The following ARMC7 variants were observed in gnomAD, a reference collection of about 807,000 sequenced individuals.
The protein encoded by ARMC7 is armadillo repeat containing 7.
Under a neutral mutation model 14.8 loss-of-function variants are expected in ARMC7, and 9 were observed. The ratio of observed to expected loss-of-function variants is 0.61; its 90% confidence interval spans 0.37 to 1.06. The LOEUF (loss-of-function observed/expected upper bound fraction) is 1.06. ARMC7 is among the 50% of genes least tolerant of loss of function. ARMC7 has a pLI of 0.01. For missense variants in ARMC7, 262 were observed against 267.1 expected, an observed-to-expected ratio of 0.98 and a Z score of 0.13; for synonymous variants, 125 against 123.4, an observed-to-expected ratio of 1.01 and a Z score of -0.09.
chr17:75,119,759 C>T (rs1476498308), intron 2 of ARMC7, among the ~76,000 whole-genome samples: 4 of 152,104 alleles, frequency 2.6e-5, no homozygotes, highest in Non-Finnish European at 4.4e-5. Flanking sequence ...CCACGCCCAG[C>T]CTGCTGTGAA....
At chr17:75,112,504 A>T (rs2073932288) in intron 2 of ARMC7, among the ~76,000 whole-genome samples, 1 of 150,404 alleles carries the variant, frequency 6.6e-6, no homozygotes, top group South Asian at 2.1e-4. Flanking sequence ...TCCCCTCTTT[A>T]CGTATGATAC....
At chr17:75,111,219 C>T (rs1039115535) in intron 2 of ARMC7, among the ~76,000 whole-genome samples, 8 of 151,568 alleles carry the variant, frequency 5.3e-5, no homozygotes, top group Non-Finnish European at 1.2e-4. Flanking sequence ...CTGAGGTGGG[C>T]GGATCACCTG....
rs1354568098 is a variant in ARMC7, at chr17:75,129,429, C to T, written c.*391C>T. The T allele has an allele frequency of 4.3e-6, 1 of 233,444 alleles. No homozygotes were observed. The highest frequency in any genetic ancestry group is 8.3e-6 in the Non-Finnish European group (1 of 120,208). 14.5% of individuals were successfully genotyped at this position (233,444 alleles called of 1,614,324 possible). A position where few individuals can be genotyped will look rare whatever the true frequency, so the allele number is the denominator to read the frequency against. On this transcript the variant is annotated 3_prime_UTR_variant, in exon 3 of 3. Transcript: ENST00000245543. ...CGCTGCAGGAAATCAGGGATTATCC[C>T]TTAACAGAAGTGTCTGGAGTAGTTT...
intron 2 of ARMC7, among the ~76,000 whole-genome samples, chr17:75,113,925 G>A (rs1315633437): frequency 1.3e-5 from 2 of 152,140 alleles, no homozygotes; most frequent in Non-Finnish European, 2.9e-5. Context: ...GCAGGTTTAG[G>A]GCCTGGAGCT....
intron 2 of ARMC7, among the ~76,000 whole-genome samples, chr17:75,128,039 C>A (rs1327901849): frequency 2.0e-5 from 3 of 152,020 alleles, no homozygotes; most frequent in African/African-American, 7.2e-5. Context: ...ATAAACTGTT[C>A]TAAGGTGATG....
In ARMC7 at chr17:75,128,856, A is replaced by C. The variant is rs770178998; in HGVS notation, c.415A>C (p.Thr139Pro). 3.1e-5 allele frequency: 50 copies of C among 1,612,706 alleles called. No homozygotes were observed. Among genetic ancestry groups the C allele is most frequent in the Non-Finnish European group, 4.2e-5 (49 of 1,179,958 alleles). Residue 139 changes from threonine (T) to proline (P), a missense_variant, in exon 3 of 3, where the codon ACG becomes CCG. By Grantham distance (38) the Thr-to-Pro change is conservative. Coordinates refer to ENST00000245543, the MANE Select transcript of ARMC7 (RefSeq NM_024585.4). The part of the protein sequence containing the change: ...GRSFLPELTA[T>P]PVVQCMLRFS... ...CAGCTTTCTCCCAGAGCTGACCGCC[A>C]CGCCCGTGGTGCAGTGCATGCTTCG...
At chr17:75,128,576 A>G (rs1287402801) in intron 2 of ARMC7, 101 bp from the exon 3 acceptor site, 6 of 1,477,854 alleles carry the variant, frequency 4.1e-6, no homozygotes, top group Non-Finnish European at 5.4e-6. Context: ...TGCTGGGGCC[A>G]GCTTCTCAAC....
chr17:75,128,248 T>C (rs1412591904), intron 2 of ARMC7, among the ~76,000 whole-genome samples: 1 of 151,980 alleles, frequency 6.6e-6, no homozygotes, highest in African/African-American at 2.4e-5. Flanking sequence ...CTAATTTTTG[T>C]ATTTTTAGTA....
chr17:75,125,994 G>A (rs2074048739), intron 2 of ARMC7, among the ~76,000 whole-genome samples: 1 of 152,194 alleles, frequency 6.6e-6, no homozygotes, highest in East Asian at 1.9e-4. Flanking sequence ...CCCTCTGGCT[G>A]GGGAAGATGT....
At chr17:75,125,365 G>A (rs775367422) in intron 2 of ARMC7, among the ~76,000 whole-genome samples, 1 of 152,198 alleles carries the variant, frequency 6.6e-6, no homozygotes, top group Non-Finnish European at 1.5e-5. Context: ...GCAGTGGAGG[G>A]CTTGTTACCA....
At chr17:75,127,427 G>A (rs1242577605) in intron 2 of ARMC7, among the ~76,000 whole-genome samples, 2 of 152,252 alleles carry the variant, frequency 1.3e-5, no homozygotes, top group East Asian at 1.9e-4. Flanking sequence ...AGCCTCCCAA[G>A]TAGCTGGGAT....
intron 2 of ARMC7, among the ~76,000 whole-genome samples, chr17:75,119,989 C>G (rs1019325017): frequency 6.6e-6 from 1 of 152,114 alleles, no homozygotes; most frequent in Admixed American, 6.5e-5. Context: ...ATTGCAACCT[C>G]CGCCTCCCAA....
Position 75,110,347 on chromosome 17 carries a change from T to C in ARMC7, c.59T>C (p.Leu20Pro). The C allele has an allele frequency of 6.2e-7, 1 of 1,614,072 alleles. No individual in the cohort carries two copies. Reference protein sequence around the residue: ...HVGRLGYLQALVTEFQETQSQ... With the variant: ...HVGRLGYLQAPVTEFQETQSQ... ...GGGCGGCTGGGATACCTGCAGGCGC[T>C]GGTCACGGAATTCCAGGAGACCCAA... Residue 20 changes from leucine to proline, a missense_variant, in exon 1 of 3, where the codon CTG becomes CCG. Transcript: ENST00000245543.
At chr17:75,110,427 C>A in intron 1 of ARMC7, 36 bp from the exon 2 acceptor site, 4 of 1,614,190 alleles carry the variant, frequency 2.5e-6, no homozygotes, top group Non-Finnish European at 3.4e-6. Context: ...GTGACCGCCG[C>A]CCGGACCTGG....
chr17:75,116,219 G>A (rs1031577448), intron 2 of ARMC7, among the ~76,000 whole-genome samples: 3 of 152,336 alleles, frequency 2.0e-5, no homozygotes, highest in South Asian at 2.1e-4. Flanking sequence ...CATGCCAGGC[G>A]CTTGCATCTT....
rs1008848719 is a variant in ARMC7, at chr17:75,129,329, C to T, written c.*291C>T. On this transcript the variant is annotated 3_prime_UTR_variant, in exon 3 of 3. Transcript: ENST00000245543. ...ACTCAGGCCCTGGTGTAAGAAGCGG[C>T]CAAGTGCCTGGACCCAGAGGCTTTG... 5 of 490,166 alleles carry T rather than the reference C, an allele frequency of 1.0e-5. No homozygotes were observed. Among genetic ancestry groups the T allele is most frequent in the East Asian group, 3.5e-5 (1 of 28,626 alleles). 30.4% of individuals were successfully genotyped at this position (490,166 alleles called of 1,614,324 possible).
intron 2 of ARMC7, among the ~76,000 whole-genome samples, chr17:75,119,685 T>C (rs59183234): frequency 0.12 from 17,861 of 151,344 alleles, 3,133 homozygotes; most frequent in African/African-American, 0.38. Context: ...TGGTCTCGAT[T>C]TCCTGACCTT....
intron 2 of ARMC7, among the ~76,000 whole-genome samples, chr17:75,116,991 T>G (rs1406853523): frequency 6.6e-6 from 1 of 152,192 alleles, no homozygotes. Context: ...CTGGATGCTA[T>G]CCAAACAAAT....
chr17:75,124,300 C>T (rs1361192392), intron 2 of ARMC7, among the ~76,000 whole-genome samples: 1 of 152,206 alleles, frequency 6.6e-6, no homozygotes, highest in Non-Finnish European at 1.5e-5. Flanking sequence ...CTCTGGCAGG[C>T]ACCCGGTCCA....
Sources: allele counts gnomAD v4.1 joint callset (sites outside exome capture counted in the v4.1 genomes callset), GRCh38; gene constraint gnomAD v4.1.1; transcripts MANE v1.5; gene names NCBI Gene and HGNC (gene_info 2026-07-23, HGNC 2026-07-21).